Variants in EHBP1 observed in about 807,000 individuals in gnomAD.
EHBP1 encodes EH domain-binding protein 1.
In EHBP1, 55 loss-of-function variants were observed where a neutral mutation model predicts 144.0. The observed-to-expected ratio is 0.38, with a 90% CI of 0.31 to 0.48. The LOEUF (loss-of-function observed/expected upper bound fraction) is 0.48. Ranked by LOEUF, EHBP1 falls within the 20% of genes least tolerant of loss-of-function variation. The pLI is 0.98. For missense variants in EHBP1, 1,200 were observed against 1,364.2 expected (o/e 0.88, Z 1.90); for synonymous variants, 469 against 472.7 (o/e 0.99, Z 0.10).
rs1678914759 is a variant in EHBP1 at position 62,948,664 on chromosome 2, C to T, written c.1818C>T (p.Ser606=). The change falls in exon 13 of 23, where the codon TCC becomes TCT. Residue 606 remains serine, a synonymous_variant. Transcript: ENST00000431489. ...PDDHLSPSTA[S]PYCRRTKSDT... The stretch of plus-strand genomic sequence containing the variant: ...ATCACCTTAGTCCAAGCACAGCCTC[C>T]CCTTACTGTCGCAGGACTAAAAGTG... 6.2e-7 allele frequency: 1 copy of T among 1,613,862 alleles called. No individual in the cohort carries two copies. The highest frequency in any genetic ancestry group is 1.3e-5 in the African/African-American group (1 of 74,898).
intron 5 of EHBP1, among the ~76,000 whole-genome samples, chr2:62,777,501 G>GT (rs1363416642): frequency 9.9e-5 from 15 of 151,290 alleles, no homozygotes; most frequent in Non-Finnish European, 2.9e-5. Flanking sequence ...GAGATTCATG[G>GT]TTTTTTCTCC....
chr2:62,786,563 A>G (rs974124233), intron 5 of EHBP1, among the ~76,000 whole-genome samples: 4 of 152,226 alleles, frequency 2.6e-5, no homozygotes, highest in Non-Finnish European at 4.4e-5. Flanking sequence ...TGCAATAGCT[A>G]TGTAGAAAAT....
intron 19 of EHBP1, among the ~76,000 whole-genome samples, chr2:63,012,458 TA>T (rs1054414207): frequency 2.0e-5 from 3 of 152,118 alleles, no homozygotes; most frequent in South Asian, 2.1e-4. Context: ...TAGCTAATAA[TA>T]AAAAAGCACT....
intron 5 of EHBP1, among the ~76,000 whole-genome samples, chr2:62,811,047 G>A (rs1293222005): frequency 6.6e-6 from 1 of 152,146 alleles, no homozygotes; most frequent in Non-Finnish European, 1.5e-5. Flanking sequence ...TTCTAAGAAG[G>A]TTGAGGATTT....
At chr2:63,037,811 A>C (rs2061501477) in intron 20 of EHBP1, among the ~76,000 whole-genome samples, 177 bp downstream of exon 20, 1 of 152,280 alleles carries the variant, frequency 6.6e-6, no homozygotes, top group South Asian at 2.1e-4. Context: ...AAGAATTTTT[A>C]AATGGAACAG....
intron 8 of EHBP1, among the ~76,000 whole-genome samples, chr2:62,860,149 T>G (rs2049387477): frequency 6.6e-6 from 1 of 152,188 alleles, no homozygotes; most frequent in African/African-American, 2.4e-5. Flanking sequence ...CATGAGTTTT[T>G]TATTTTGTTT....
At chr2:62,912,031 T>C (rs2054260208) in intron 10 of EHBP1, among the ~76,000 whole-genome samples, 2 of 152,152 alleles carry the variant, frequency 1.3e-5, no homozygotes, top group African/African-American at 4.8e-5. Context: ...GCACCTAGAT[T>C]CTTTAATAGT....
chr2:62,878,664 A>G (rs542412942), intron 10 of EHBP1, among the ~76,000 whole-genome samples: 1 of 152,298 alleles, frequency 6.6e-6, no homozygotes, highest in South Asian at 2.1e-4. Flanking sequence ...GGTTCAAAAT[A>G]TGTAAATCAG....
intron 10 of EHBP1, among the ~76,000 whole-genome samples, chr2:62,899,675 C>G (rs556762223): frequency 6.6e-6 from 1 of 152,268 alleles, no homozygotes; most frequent in Admixed American, 6.5e-5. Context: ...AAAGTTTCAA[C>G]GATGATGGTG....
intron 1 of EHBP1, among the ~76,000 whole-genome samples, chr2:62,687,428 G>C (rs912263710): frequency 6.6e-6 from 1 of 152,182 alleles, no homozygotes; most frequent in Non-Finnish European, 1.5e-5. Flanking sequence ...AAGAGATGTA[G>C]GAAAATCCCA....
intron 19 of EHBP1, among the ~76,000 whole-genome samples, chr2:63,002,176 T>C (rs1449481947): frequency 6.6e-6 from 1 of 152,200 alleles, no homozygotes; most frequent in African/African-American, 2.4e-5. Context: ...TTGAACATTA[T>C]AACCTTCAGA....
At chr2:63,014,935 G>A (rs2060423356) in intron 19 of EHBP1, among the ~76,000 whole-genome samples, 1 of 152,018 alleles carries the variant, frequency 6.6e-6, no homozygotes, top group South Asian at 2.1e-4. Flanking sequence ...CCGAGATCAC[G>A]CCATTGCACT....
chr2:63,014,949 A>G (rs1343296690), intron 19 of EHBP1, among the ~76,000 whole-genome samples: 1 of 152,150 alleles, frequency 6.6e-6, no homozygotes, highest in African/African-American at 2.4e-5. Context: ...TTGCACTCCA[A>G]CCGGGGCAAC....
At chr2:62,952,846 C>T (rs1438725839) in intron 13 of EHBP1, among the ~76,000 whole-genome samples, 8 of 152,136 alleles carry the variant, frequency 5.3e-5, no homozygotes, top group Non-Finnish European at 7.3e-5. Context: ...GGCAATTTAA[C>T]AATGTGAATC....
chr2:62,835,563 C>T (rs929390437), intron 7 of EHBP1, among the ~76,000 whole-genome samples: 2 of 152,208 alleles, frequency 1.3e-5, no homozygotes, highest in Non-Finnish European at 2.9e-5. Flanking sequence ...GTGATTTCTG[C>T]ATTTCCATCT....
chr2:62,858,683 T>C (rs969543252), intron 7 of EHBP1, among the ~76,000 whole-genome samples: 2 of 152,216 alleles, frequency 1.3e-5, no homozygotes, highest in African/African-American at 4.8e-5. Context: ...ACAGTACTTA[T>C]CTTTAGCAAA....
intron 10 of EHBP1, among the ~76,000 whole-genome samples, chr2:62,935,343 AAAT>A (rs1293200772): frequency 0.011 from 1,485 of 137,844 alleles, 21 homozygotes; most frequent in African/African-American, 0.036. Flanking sequence ...AAAAAAAAAA[AAAT>A]ATATATATAT....
At chr2:62,722,888 A>G (rs1328982616) in intron 2 of EHBP1, among the ~76,000 whole-genome samples, 2 of 152,180 alleles carry the variant, frequency 1.3e-5, no homozygotes, top group Non-Finnish European at 1.5e-5. Flanking sequence ...TTATGATTTC[A>G]GTTCTTTTGC....
intron 6 of EHBP1, 88 bp downstream of exon 6, chr2:62,826,356 T>A: frequency 1.7e-6 from 2 of 1,190,980 alleles, no homozygotes; most frequent in Non-Finnish European, 2.3e-6. Flanking sequence ...TAGTTGAACA[T>A]CTTACAGCAT....
Sources: allele counts gnomAD v4.1 joint callset (sites outside exome capture counted in the v4.1 genomes callset), GRCh38; gene constraint gnomAD v4.1.1; transcripts MANE v1.5; gene names NCBI Gene and HGNC (gene_info 2026-07-23, HGNC 2026-07-21).